The following KCNIP4 variants were observed in gnomAD, a reference collection of about 807,000 sequenced individuals.
The protein encoded by KCNIP4 is potassium voltage-gated channel interacting protein 4, also known as Kv channel-interacting protein 4.
KCNIP4 carries 12 observed loss-of-function variants against 34.0 expected under a neutral mutation model. The observed-to-expected ratio is 0.35, with a 90% CI of 0.23 to 0.57. The LOEUF (loss-of-function observed/expected upper bound fraction) is 0.57. KCNIP4 is among the 20% of genes least tolerant of loss of function. The pLI, the probability that KCNIP4 is intolerant of heterozygous loss-of-function variation, is 0.83. For synonymous variants in KCNIP4, 124 were observed against 102.2 expected (o/e 1.21, Z -1.29); for missense variants, 238 against 311.7 (o/e 0.76, Z 1.78).
intron 1 of KCNIP4, among the ~76,000 whole-genome samples, chr4:21,483,988 C>G (rs1731686082): frequency 7.0e-6 from 1 of 143,548 alleles, no homozygotes; most frequent in Non-Finnish European, 1.5e-5. Flanking sequence ...GCCTGCAGAA[C>G]CATGAGCCAA....
chr4:21,698,716 G>T (rs537690389), intron 1 of KCNIP4, among the ~76,000 whole-genome samples: 35 of 152,210 alleles, frequency 2.3e-4, no homozygotes, highest in African/African-American at 8.4e-4. Context: ...CACAGATGGG[G>T]CCATATTTTA....
At chr4:21,072,260 CAGTGTAAA>C (rs1162607102) in intron 1 of KCNIP4, among the ~76,000 whole-genome samples, 1 of 152,192 alleles carries the variant, frequency 6.6e-6, no homozygotes, top group Admixed American at 6.5e-5. Context: ...GTCCCACCAA[CAGTGTAAA>C]AGTGTTCCTA....
Position 21,230,754 on chromosome 4 carries a change from A to C in KCNIP4, c.62-348045T>G, listed in dbSNP as rs559347264. Among the ~76,000 whole-genome samples the C allele has an allele frequency of 1.6e-3, 236 of 152,226 alleles. 3 individuals carry two copies. The highest frequency in any genetic ancestry group is 5.2e-3 in the African/African-American group (215 of 41,536). ...TATATGTACCACATTTTCTTTACCC[A>C]GTCTATCATCTATGGACATTTGGCT... On this transcript the variant is annotated intron_variant, in intron 1 of 8. Transcript: ENST00000382152.
chr4:21,288,619 G>GAC (rs1187656114), intron 1 of KCNIP4, among the ~76,000 whole-genome samples: 1 of 152,082 alleles, frequency 6.6e-6, no homozygotes, highest in East Asian at 1.9e-4. Context: ...AAGAAACTGA[G>GAC]ACACAGAAAG....
intron 1 of KCNIP4, among the ~76,000 whole-genome samples, chr4:21,879,550 C>T (rs112651855): frequency 6.6e-5 from 10 of 152,260 alleles, no homozygotes; most frequent in African/African-American, 2.4e-4. Flanking sequence ...TCATTTTGTT[C>T]TGTTTTCCTG....
intron 1 of KCNIP4, among the ~76,000 whole-genome samples, chr4:21,607,406 C>T (rs139476355): frequency 5.9e-5 from 9 of 152,148 alleles, no homozygotes; most frequent in East Asian, 2.0e-4. Flanking sequence ...AAACATATGG[C>T]GAATGCCTAC....
intron 1 of KCNIP4, among the ~76,000 whole-genome samples, chr4:21,354,329 C>A (rs1718343979): frequency 6.6e-6 from 1 of 152,090 alleles, no homozygotes; most frequent in Admixed American, 6.5e-5. Flanking sequence ...GGGCTAAATG[C>A]CCCAATTAAA....
At chr4:21,658,311 G>A (rs1748137471) in intron 1 of KCNIP4, among the ~76,000 whole-genome samples, 1 of 152,102 alleles carries the variant, frequency 6.6e-6, no homozygotes, top group Non-Finnish European at 1.5e-5. Context: ...ATCTAACTTG[G>A]AGAAGCCTTC....
intron 1 of KCNIP4, among the ~76,000 whole-genome samples, chr4:21,588,988 C>T (rs573248348): frequency 5.5e-4 from 83 of 150,680 alleles, no homozygotes; most frequent in African/African-American, 1.8e-3. Flanking sequence ...GAGCCTGGTG[C>T]CATGGTGAGC....
intron 1 of KCNIP4, among the ~76,000 whole-genome samples, chr4:21,165,538 T>C (rs1020389270): frequency 6.7e-6 from 1 of 149,674 alleles, no homozygotes; most frequent in Admixed American, 6.8e-5. Context: ...TCACACCATG[T>C]ACAAAAATTA....
intron 1 of KCNIP4, among the ~76,000 whole-genome samples, chr4:21,186,902 A>C (rs866000605): frequency 8.5e-5 from 13 of 152,254 alleles, no homozygotes; most frequent in Middle Eastern, 6.8e-3. Flanking sequence ...CTCATCCCAA[A>C]GTGCTGGGAT....
At chr4:20,903,341 T>C (rs1187638378) in intron 1 of KCNIP4, among the ~76,000 whole-genome samples, 4 of 152,176 alleles carry the variant, frequency 2.6e-5, no homozygotes, top group African/African-American at 7.2e-5. Flanking sequence ...TATGACACTT[T>C]GGTCATATAT....
At chr4:20,971,933 A>T (rs1284141307) in intron 1 of KCNIP4, among the ~76,000 whole-genome samples, 3 of 152,170 alleles carry the variant, frequency 2.0e-5, no homozygotes, top group Admixed American at 6.5e-5. Flanking sequence ...CTAAATTCTT[A>T]GCTATCAATT....
intron 1 of KCNIP4, among the ~76,000 whole-genome samples, chr4:21,542,279 G>T (rs1399124328): frequency 6.6e-6 from 1 of 152,094 alleles, no homozygotes; most frequent in Non-Finnish European, 1.5e-5. Flanking sequence ...AACTCTGGAA[G>T]AACAGGAATA....
chr4:21,018,524 G>T lies in KCNIP4; in HGVS notation c.62-135815C>A, dbSNP rs1439685560. On this transcript the variant is annotated intron_variant, in intron 1 of 8. Transcript: ENST00000382152. ...GACTGAACCTGTAGAGGATGCGATG[G>T]AAGGCTTCTCTCTAGGCAACATGGA... 9.8e-4 allele frequency among the ~76,000 whole-genome samples: 149 copies of T among 152,206 alleles called. 1 individual carries two copies. Among genetic ancestry groups the T allele is most frequent in the Non-Finnish European group, 2.9e-5 (2 of 68,014 alleles).
chr4:21,858,396 C>A (rs888934264), intron 1 of KCNIP4, among the ~76,000 whole-genome samples: 3 of 152,160 alleles, frequency 2.0e-5, no homozygotes, highest in Non-Finnish European at 4.4e-5. Context: ...CTAAGAAGTG[C>A]TTTTCTTGTC....
intron 1 of KCNIP4, among the ~76,000 whole-genome samples, chr4:21,587,479 G>C (rs1741720413): frequency 6.6e-6 from 1 of 152,004 alleles, no homozygotes; most frequent in Non-Finnish European, 1.5e-5. Context: ...CTTATCTTCA[G>C]TTGTGTTGGC....
At chr4:21,268,554 C>T (rs1017473223) in intron 1 of KCNIP4, among the ~76,000 whole-genome samples, 4 of 152,128 alleles carry the variant, frequency 2.6e-5, no homozygotes, top group South Asian at 4.1e-4. Context: ...ATGAGTCTGA[C>T]TTTGTCTTGA....
intron 1 of KCNIP4, among the ~76,000 whole-genome samples, chr4:21,011,061 G>A (rs1035898904): frequency 2.2e-4 from 34 of 152,252 alleles, no homozygotes; most frequent in East Asian, 1.2e-3. Flanking sequence ...GCATAGTAGC[G>A]AAATAATTGG....
Sources: gnomAD v4.1 joint callset for allele counts (sites outside exome capture counted in the v4.1 genomes callset) on GRCh38, gnomAD v4.1.1 for gene constraint, MANE v1.5 for transcripts, NCBI Gene and HGNC (gene_info 2026-07-23, HGNC 2026-07-21) for gene names.